BACE2: variants seen among roughly 807,000 people sequenced by gnomAD.
BACE2 encodes beta-secretase 2, also known as 56 kDa aspartic-like protease.
Under a neutral mutation model 46.2 loss-of-function variants are expected in BACE2, and 17 were observed. The observed-to-expected ratio is 0.37, with a 90% CI of 0.25 to 0.55. BACE2 has a LOEUF of 0.55. Ranked by LOEUF, BACE2 falls within the 20% of genes least tolerant of loss-of-function variation. The pLI, the probability that BACE2 is intolerant of heterozygous loss-of-function variation, is 0.82. For missense variants in BACE2, 595 were observed against 698.1 expected (o/e 0.85, Z 1.66); for synonymous variants, 277 against 295.9 (o/e 0.94, Z 0.66).
chr21:41,241,456 C>G (rs1277894671), intron 3 of BACE2, among the ~76,000 whole-genome samples: 1 of 152,174 alleles, frequency 6.6e-6, no homozygotes, highest in Non-Finnish European at 1.5e-5. Context: ...AAACTCTTCT[C>G]TCCTTACTCT....
At chr21:41,174,715 G>C (rs926566845) in intron 1 of BACE2, among the ~76,000 whole-genome samples, 1 of 152,120 alleles carries the variant, frequency 6.6e-6, no homozygotes, top group Non-Finnish European at 1.5e-5. Context: ...GGTCCTCCTT[G>C]CTGGTGAGTG....
intron 2 of BACE2, among the ~76,000 whole-genome samples, chr21:41,228,734 G>T (rs1986890701): frequency 6.6e-6 from 1 of 152,200 alleles, no homozygotes; most frequent in Non-Finnish European, 1.5e-5. Context: ...CTACACTGGG[G>T]ATCAAATTTC....
intron 1 of BACE2, among the ~76,000 whole-genome samples, chr21:41,173,318 T>C (rs1984671548): frequency 6.6e-6 from 1 of 152,236 alleles, no homozygotes; most frequent in South Asian, 2.1e-4. Context: ...ATTTTAGTGC[T>C]GTATTGATAT....
chr21:41,222,395 G>A (rs919434322), intron 1 of BACE2, among the ~76,000 whole-genome samples: 3 of 152,208 alleles, frequency 2.0e-5, no homozygotes, highest in African/African-American at 7.2e-5. Flanking sequence ...AGGAAGCCTG[G>A]AAGGGAGCGA....
chr21:41,226,376 G>T, intron 2 of BACE2, 22 bp downstream of exon 2: 1 of 1,601,738 alleles, frequency 6.2e-7, no homozygotes. Context: ...CCCCTTGGCT[G>T]GTGTGCTGGG....
intron 1 of BACE2, chr21:41,178,041 G>A (rs1461214742): frequency 1.3e-5 from 2 of 152,216 alleles, no homozygotes; most frequent in African/African-American, 2.4e-5. Context: ...TGCTACTGGC[G>A]TCCTGTGGGT....
intron 1 of BACE2, among the ~76,000 whole-genome samples, chr21:41,202,756 C>T (rs780051210): frequency 6.6e-6 from 1 of 152,164 alleles, no homozygotes; most frequent in South Asian, 2.1e-4. Flanking sequence ...CACTGAGAGA[C>T]GGGACCAATC....
At chr21:41,235,293 A>T (rs1354034735) in intron 2 of BACE2, among the ~76,000 whole-genome samples, 3 of 152,218 alleles carry the variant, frequency 2.0e-5, no homozygotes, top group Non-Finnish European at 4.4e-5. Flanking sequence ...AGAAAAAGAA[A>T]CATTTTTCCC....
intron 1 of BACE2, among the ~76,000 whole-genome samples, chr21:41,221,323 T>C (rs533930587): frequency 6.6e-6 from 1 of 152,258 alleles, no homozygotes; most frequent in African/African-American, 2.4e-5. Context: ...GAAGGGGCAA[T>C]GGCACTTAGT....
At position 41,277,430 on chromosome 21, in the gene BACE2, C is replaced by T. The variant is rs2838003; in HGVS notation, c.*1806C>T. The T allele has an allele frequency of 0.71, 107,896 of 152,038 alleles. 38,868 individuals are homozygous for T. Among genetic ancestry groups the T allele is most frequent in the East Asian group, 0.99 (5,087 of 5,154 alleles). The allele number at this position is 152,038 out of a possible 1,614,324, so 9.4% of individuals were successfully genotyped here. A position where few individuals can be genotyped will look rare whatever the true frequency, so the allele number is the denominator to read the frequency against. On this transcript the variant is annotated 3_prime_UTR_variant, in exon 9 of 9. Coordinates refer to ENST00000330333, the MANE Select transcript of BACE2 (RefSeq NM_012105.5). ...TTGTATCAGGGCCCGTTGTCACATC[C>T]GCTCTCAGCTTGTTGAAAACTCATA...
At chr21:41,243,623 G>A (rs1987370184) in intron 5 of BACE2, 113 bp downstream of exon 5, 15 of 1,143,714 alleles carry the variant, frequency 1.3e-5, no homozygotes, top group Middle Eastern at 2.3e-4. Context: ...TAAGATAAAG[G>A]CTCATTACAT....
intron 1 of BACE2, among the ~76,000 whole-genome samples, chr21:41,171,360 T>A (rs1265945963): frequency 6.6e-6 from 1 of 152,198 alleles, no homozygotes; most frequent in Admixed American, 6.5e-5. Flanking sequence ...AAGTCAACTG[T>A]TGGAAGTGTG....
At chr21:41,188,018 G>A (rs1985438806) in intron 1 of BACE2, among the ~76,000 whole-genome samples, 1 of 152,148 alleles carries the variant, frequency 6.6e-6, no homozygotes, top group Admixed American at 6.5e-5. Context: ...TTAAAAGTAC[G>A]TAATATTGTT....
chr21:41,233,347 G>A (rs1333573501), intron 2 of BACE2, among the ~76,000 whole-genome samples: 1 of 151,654 alleles, frequency 6.6e-6, no homozygotes, highest in Non-Finnish European at 1.5e-5. Flanking sequence ...TGAGGAAACC[G>A]AGGCATAGAG....
In BACE2 at chr21:41,172,970, C is replaced by T. The variant is rs1162184705; in HGVS notation, c.312+4395C>T. ...TTTCTTGACCCTTGGCCGCATGACT[C>T]CAATCTCTCCCCTCCATGTAAGTTT... On this transcript the variant is annotated intron_variant, in intron 1 of 8. Transcript: ENST00000330333. 1.1e-4 allele frequency among the ~76,000 whole-genome samples: 16 copies of T among 152,308 alleles called. No individual in the cohort carries two copies. The South Asian group carries it at 3.1e-3, about 30-fold the overall frequency.
At chr21:41,259,518 A>G (rs187456554) in intron 8 of BACE2, among the ~76,000 whole-genome samples, 6 of 152,064 alleles carry the variant, frequency 3.9e-5, no homozygotes, top group Admixed American at 3.9e-4. Context: ...AGAAAATCAT[A>G]TACTATGTGT....
chr21:41,215,767 G>A (rs576277464), intron 1 of BACE2, among the ~76,000 whole-genome samples: 4 of 152,312 alleles, frequency 2.6e-5, no homozygotes, highest in East Asian at 3.9e-4. Flanking sequence ...TCTGTCTATC[G>A]TATGAGCTTT....
chr21:41,174,139 C>CTTTTTTTTTTTTTTTTTTT (rs1328562900), intron 1 of BACE2, among the ~76,000 whole-genome samples: 2 of 48,500 alleles, frequency 4.1e-5, no homozygotes, highest in African/African-American at 3.1e-4. Flanking sequence ...GATCAGTGGC[C>CTTTTTTTTTTTTTTTTTTT]TTTTTTTTTT....
At chr21:41,203,249 A>G (rs181262960) in intron 1 of BACE2, among the ~76,000 whole-genome samples, 1 of 151,756 alleles carries the variant, frequency 6.6e-6, no homozygotes, top group African/African-American at 2.4e-5. Flanking sequence ...GCGGTAGGGA[A>G]GTGTCACAAG....
Sources: allele counts gnomAD v4.1 joint callset (sites outside exome capture counted in the v4.1 genomes callset), GRCh38; gene constraint gnomAD v4.1.1; transcripts MANE v1.5; gene names NCBI Gene and HGNC (gene_info 2026-07-23, HGNC 2026-07-21).